The following UGGT1 variants were observed in gnomAD, a reference collection of about 807,000 sequenced individuals.
UGGT1 encodes the protein UDP-glucose:glycoprotein glucosyltransferase 1.
Under a neutral mutation model 203.9 loss-of-function variants are expected in UGGT1, and 107 were observed. The observed-to-expected ratio is 0.52, with a 90% confidence interval of 0.45 to 0.62. The LOEUF (loss-of-function observed/expected upper bound fraction) is 0.62. Ranked by LOEUF, UGGT1 falls within the 20% of genes least tolerant of loss-of-function variation. UGGT1 has a pLI of 0.00. For synonymous variants in UGGT1, 628 were observed against 653.5 expected, an observed-to-expected ratio of 0.96 and a Z score of 0.59; for missense variants, 1,673 against 1,867.2, an observed-to-expected ratio of 0.90 and a Z score of 1.92.
chr2:128,175,731 C>T (rs1691336693), intron 31 of UGGT1, among the ~76,000 whole-genome samples: 1 of 152,210 alleles, frequency 6.6e-6, no homozygotes, highest in African/African-American at 2.4e-5. Context: ...CTTTTGGATG[C>T]CCTGGCCCTT....
At chr2:128,121,509 G>A (rs1210408409) in intron 10 of UGGT1, among the ~76,000 whole-genome samples, 1 of 150,344 alleles carries the variant, frequency 6.7e-6, no homozygotes, top group Non-Finnish European at 1.5e-5. Context: ...AGGTTCAAGC[G>A]ATTCTCCTGC....
intron 25 of UGGT1, among the ~76,000 whole-genome samples, chr2:128,163,734 T>G (rs1690647193): frequency 6.6e-6 from 1 of 152,088 alleles, no homozygotes; most frequent in Non-Finnish European, 1.5e-5. Flanking sequence ...AAATTAATTT[T>G]AGAAGAGGCA....
intron 16 of UGGT1, among the ~76,000 whole-genome samples, chr2:128,142,108 A>C (rs2105453938): frequency 6.6e-6 from 1 of 151,710 alleles, no homozygotes; most frequent in South Asian, 2.1e-4. Context: ...CGGCAGGCTA[A>C]TTTTTGTGTT....
At chr2:128,150,145 A>G (rs939751948) in intron 18 of UGGT1, among the ~76,000 whole-genome samples, 1 of 151,350 alleles carries the variant, frequency 6.6e-6, no homozygotes, top group African/African-American at 2.5e-5. Flanking sequence ...CTACAAAAAG[A>G]TGTGTTATCA....
At chr2:128,146,968 A>G (rs757567257) in intron 18 of UGGT1, among the ~76,000 whole-genome samples, 1 of 152,174 alleles carries the variant, frequency 6.6e-6, no homozygotes, top group African/African-American at 2.4e-5. Context: ...GCATTAGCAC[A>G]GACTCTCGGG....
At chr2:128,152,140 A>C (rs181257899) in intron 18 of UGGT1, among the ~76,000 whole-genome samples, 1 of 152,280 alleles carries the variant, frequency 6.6e-6, no homozygotes, top group African/African-American at 2.4e-5. Context: ...TTTTTATTAC[A>C]AAGTATATTA....
chr2:128,109,381 T>A (rs1431383756), intron 4 of UGGT1, among the ~76,000 whole-genome samples: 2 of 152,116 alleles, frequency 1.3e-5, no homozygotes, highest in South Asian at 2.1e-4. Flanking sequence ...TTATTTTTTT[T>A]ATTTTTTGTA....
In UGGT1 at chr2:128,127,486, T is replaced by G. The variant is rs770268935; in HGVS notation, c.1226+34T>G. The G allele has an allele frequency of 7.5e-6, 11 of 1,476,100 alleles. No homozygotes were observed. The East Asian group carries it at 2.5e-4, about 33-fold the overall frequency. 91.4% of individuals were successfully genotyped at this position (1,476,100 alleles called of 1,614,324 possible). A position where few individuals can be genotyped will look rare whatever the true frequency, so the allele number is the denominator to read the frequency against. ...AATATTTTTCATTCTCTGAAAAGTT[T>G]TTGTAATGCGTAGCACCTTGTAACA... is the stretch of plus-strand genomic sequence containing the variant. On this transcript the variant is annotated intron_variant, in intron 12 of 40. Coordinates refer to ENST00000259253, the MANE Select transcript of UGGT1 (RefSeq NM_020120.4).
chr2:128,117,316 C>T (rs978451236), intron 8 of UGGT1, among the ~76,000 whole-genome samples: 1 of 152,178 alleles, frequency 6.6e-6, no homozygotes, highest in African/African-American at 2.4e-5. Context: ...TCTTGAACTC[C>T]TGGCCTCAAG....
chr2:128,172,366 T>C (rs1270619876), intron 28 of UGGT1, among the ~76,000 whole-genome samples: 1 of 152,212 alleles, frequency 6.6e-6, no homozygotes, highest in African/African-American at 2.4e-5. Flanking sequence ...TCCTCAGTGC[T>C]GTCCTTGTTT....
At chr2:128,188,338 C>G (rs1692097457) in intron 40 of UGGT1, among the ~76,000 whole-genome samples, 1 of 152,054 alleles carries the variant, frequency 6.6e-6, no homozygotes, top group South Asian at 2.1e-4. Flanking sequence ...GGCACTGCGC[C>G]TGGCCGAAAA....
rs570505345 is a variant in UGGT1 at position 128,130,181 on chromosome 2, CA to C, written c.1377+1004del. On this transcript the variant is annotated intron_variant, in intron 13 of 40. Transcript: ENST00000259253. ...GGAGGCTGAGGCAGGAGAATTGCTT[CA>C]ACCTGGGGGTGGAGGTTACAGGTAG... is the stretch of plus-strand genomic sequence containing the variant. 2.9e-3 allele frequency among the ~76,000 whole-genome samples: 444 copies of C among 150,744 alleles called. 2 individuals carry two copies. The highest frequency in any genetic ancestry group is 4.4e-3 in the Non-Finnish European group (295 of 67,774).
At chr2:128,187,777 G>A (rs1057512817) in intron 40 of UGGT1, among the ~76,000 whole-genome samples, 163 bp downstream of exon 40, 1 of 149,882 alleles carries the variant, frequency 6.7e-6, no homozygotes, top group African/African-American at 2.4e-5. Context: ...CTTTTATGTT[G>A]GTCTTCTAAA....
intron 18 of UGGT1, among the ~76,000 whole-genome samples, chr2:128,148,062 A>C (rs1689774920): frequency 6.6e-6 from 1 of 151,138 alleles, no homozygotes; most frequent in Non-Finnish European, 1.5e-5. Context: ...TCTTTCTTTT[A>C]TTTTCTTTCC....
intron 2 of UGGT1, among the ~76,000 whole-genome samples, chr2:128,099,193 G>C (rs773429561): frequency 1.3e-5 from 2 of 152,116 alleles, no homozygotes; most frequent in Non-Finnish European, 2.9e-5. Context: ...GTTCAGGCTA[G>C]AGTGTAGTGG....
intron 37 of UGGT1, 36 bp downstream of exon 37, chr2:128,182,326 G>A: frequency 1.3e-6 from 2 of 1,563,370 alleles, no homozygotes; most frequent in Non-Finnish European, 1.7e-6. Context: ...CTGTTACGGG[G>A]TTTTCCTTAA....
At chr2:128,183,541 A>G (rs930493440) in intron 37 of UGGT1, 134 bp from the exon 38 acceptor site, 6 of 617,900 alleles carry the variant, frequency 9.7e-6, no homozygotes, top group African/African-American at 9.2e-5. Flanking sequence ...CTTTAACTCC[A>G]CTGTAGGGCT....
At position 128,091,285 on chromosome 2, in the gene UGGT1, T is replaced by TGCCGCTGCCGCCTCGCCCC. The variant is rs1368844540; in HGVS notation, c.-69_-51dup. 4.2e-6 allele frequency: 6 copies of TGCCGCTGCCGCCTCGCCCC among 1,445,214 alleles called. No individual in the cohort carries two copies. Among genetic ancestry groups the TGCCGCTGCCGCCTCGCCCC allele is most frequent in the Non-Finnish European group, 5.5e-6 (6 of 1,088,306 alleles). The allele number at this position is 1,445,214 out of a possible 1,614,324, so 89.5% of individuals were successfully genotyped here. ...GGCCTCTCACTGGCGCAGCCTGCAC[T>TGCCGCTGCCGCCTCGCCCC]GCCGCTGCCGCCTCGCCCCGCCCTG... On this transcript the variant is annotated 5_prime_UTR_variant, in exon 1 of 41. Coordinates refer to ENST00000259253, the MANE Select transcript of UGGT1 (RefSeq NM_020120.4).
At chr2:128,168,008 C>T (rs991599600) in intron 26 of UGGT1, among the ~76,000 whole-genome samples, 1 of 152,124 alleles carries the variant, frequency 6.6e-6, no homozygotes, top group Non-Finnish European at 1.5e-5. Flanking sequence ...TCTCTGGTTC[C>T]CTTGTGAGCC....
Sources: gnomAD v4.1 joint callset for allele counts (sites outside exome capture counted in the v4.1 genomes callset) on GRCh38, gnomAD v4.1.1 for gene constraint, MANE v1.5 for transcripts, NCBI Gene and HGNC (gene_info 2026-07-23, HGNC 2026-07-21) for gene names.